Variants in GASK1B observed in about 807,000 individuals in gnomAD.
The protein encoded by GASK1B is golgi associated kinase 1B, also known as Golgi-associated kinase 1B.
A neutral mutation model predicts 42.8 loss-of-function variants in GASK1B; 34 were observed. The observed-to-expected ratio is 0.79, with a 90% CI of 0.60 to 1.06. The LOEUF is 1.06. Ranked by LOEUF, GASK1B falls within the 50% of genes least tolerant of loss-of-function variation. The pLI is 0.00. For synonymous variants in GASK1B, 262 were observed against 259.1 expected, an observed-to-expected ratio of 1.01 and a Z score of -0.11; for missense variants, 686 against 661.0, an observed-to-expected ratio of 1.04 and a Z score of -0.42.
Position 158,126,632 on chromosome 4 carries a change from AG to A in GASK1B, c.*774del, listed in dbSNP as rs1188960558. The A allele has an allele frequency of 6.6e-6, 1 of 152,168 alleles. No individual in the cohort carries two copies. Among genetic ancestry groups the A allele is most frequent in the Non-Finnish European group, 1.5e-5 (1 of 68,010 alleles). 9.4% of individuals were successfully genotyped at this position (152,168 alleles called of 1,614,324 possible). A position where few individuals can be genotyped will look rare whatever the true frequency, so the allele number is the denominator to read the frequency against. ...ATACTCTGTAAGTACATTTTCAGAT[AG>A]GTAACTTCATACTTTAGAATTATTT... On this transcript the variant is annotated 3_prime_UTR_variant, in exon 5 of 5. Transcript: ENST00000585682.
Position 158,170,604 on chromosome 4 carries a change from G to A in GASK1B, c.772C>T (p.Leu258Phe), listed in dbSNP as rs1466381405. The change falls in exon 2 of 5, where the codon CTC (leucine) becomes TTC (phenylalanine). Residue 258 changes from leucine to phenylalanine, a missense_variant. Leu to Phe is a conservative substitution (Grantham distance 22). Transcript: ENST00000585682. ...CCACAGGGGCTAGGGCCACAGCGGAGCACAGCGCCAGGTGCGCCCCCCTCC... is the reference window on the plus strand; with the variant it reads ...CCACAGGGGCTAGGGCCACAGCGGAACACAGCGCCAGGTGCGCCCCCCTCC... The part of the protein sequence containing the change: ...VLEGGAPGAV[L>F]RCGPSPCGLL... The A allele has an allele frequency of 6.2e-6, 10 of 1,613,888 alleles. No individual in the cohort carries two copies. In the South Asian group the frequency reaches 9.9e-5, roughly 16 times the overall value.
chr4:158,129,059 T>C (rs1417448696), intron 4 of GASK1B, among the ~76,000 whole-genome samples: 2 of 152,232 alleles, frequency 1.3e-5, no homozygotes, highest in Non-Finnish European at 2.9e-5. Flanking sequence ...TACATTGATA[T>C]AATAGTAGGA....
chr4:158,170,935 T>A lies in GASK1B; in HGVS notation c.441A>T (p.Gly147=), dbSNP rs761878400. The A allele has an allele frequency of 2.8e-5, 45 of 1,614,110 alleles. No homozygotes were observed. The highest frequency in any genetic ancestry group is 4.0e-5 in the African/African-American group (3 of 74,948). Reference sequence around the variant, plus strand: ...CCGCTTCCTGCGGCTGAAGGGATGGTCCGACCAAAGCCTCCTGCCCTGGGG... The same window carrying A: ...CCGCTTCCTGCGGCTGAAGGGATGGACCGACCAAAGCCTCCTGCCCTGGGG... ...SAAPGQEALV[G]PSLQPQEAAR... Residue 147 remains glycine, a synonymous_variant, in exon 2 of 5, where the codon GGA becomes GGT. Transcript: ENST00000585682.
rs1046906179 is a variant in GASK1B, at chr4:158,125,097, G to A, written c.*2310C>T. On this transcript the variant is annotated 3_prime_UTR_variant, in exon 5 of 5. Coordinates refer to ENST00000585682, the MANE Select transcript of GASK1B (RefSeq NM_001128424.2). ...TTCTCATTGTTTCAATAAGACAAAA[G>A]AAGAACATTACCTATTAGAATTAAA... 7 of 152,144 alleles carry A rather than the reference G, an allele frequency of 4.6e-5. No homozygotes were observed. The highest frequency in any genetic ancestry group is 1.0e-4 in the Non-Finnish European group (7 of 68,018). The allele number at this position is 152,144 out of a possible 1,614,324, so 9.4% of individuals were successfully genotyped here.
Position 158,170,685 on chromosome 4 carries a change from C to T in GASK1B, c.691G>A (p.Ala231Thr), listed in dbSNP as rs144090020. Reference protein sequence around the residue: ...IRRMRLLADSAVAGLRPVSSR... With the variant: ...IRRMRLLADSTVAGLRPVSSR... ...GACACAGGCCGGAGCCCTGCCACTGCGCTGTCCGCCAAGAGTCGCATTCTT... is the reference window on the plus strand; with the variant it reads ...GACACAGGCCGGAGCCCTGCCACTGTGCTGTCCGCCAAGAGTCGCATTCTT... Residue 231 changes from alanine to threonine, a missense_variant, in exon 2 of 5, where the codon GCA becomes ACA. Ala to Thr is a moderately conservative substitution (Grantham distance 58). Transcript: ENST00000585682. The T allele has an allele frequency of 7.4e-6, 12 of 1,614,054 alleles. No individual in the cohort carries two copies. The highest frequency in any genetic ancestry group is 6.6e-5 in the South Asian group (6 of 91,094).
At chr4:158,153,519 T>C (rs1029294901) in intron 3 of GASK1B, among the ~76,000 whole-genome samples, 1 of 152,054 alleles carries the variant, frequency 6.6e-6, no homozygotes. Flanking sequence ...AAAATTCACA[T>C]AGAACCAAAA....
chr4:158,171,832 G>A (rs1359165062), intron 1 of GASK1B, among the ~76,000 whole-genome samples: 1 of 152,110 alleles, frequency 6.6e-6, no homozygotes, highest in Non-Finnish European at 1.5e-5. Context: ...CTTGTACCTA[G>A]AGTCATTTAA....
At chr4:158,170,403 G>T in intron 2 of GASK1B, 63 bp downstream of exon 2, 1 of 1,613,854 alleles carries the variant, frequency 6.2e-7, no homozygotes, top group Non-Finnish European at 8.5e-7. Flanking sequence ...GAGAGTGAGG[G>T]AAAAAAGAAA....
At chr4:158,137,095 G>A (rs1249468194) in intron 3 of GASK1B, among the ~76,000 whole-genome samples, 1 of 152,146 alleles carries the variant, frequency 6.6e-6, no homozygotes, top group Non-Finnish European at 1.5e-5. Flanking sequence ...AATTGAACAG[G>A]CCAAATAATG....
In GASK1B at chr4:158,126,065, ATTT is replaced by A. The variant is rs1463606392; in HGVS notation, c.*1339_*1341del. ...TGTATTATAAACATTCTCAAATTGT[ATTT>A]TTAAACTTTCAGGAAATGAAAAGTC... On this transcript the variant is annotated 3_prime_UTR_variant, in exon 5 of 5. Coordinates refer to ENST00000585682, the MANE Select transcript of GASK1B (RefSeq NM_001128424.2). 2 of 152,162 alleles carry A rather than the reference ATTT, an allele frequency of 1.3e-5. No individual in the cohort carries two copies. The highest frequency in any genetic ancestry group is 1.3e-4 in the Admixed American group (2 of 15,264). The allele number at this position is 152,162 out of a possible 1,614,324, so 9.4% of individuals were successfully genotyped here. A position where few individuals can be genotyped will look rare whatever the true frequency, so the allele number is the denominator to read the frequency against.
intron 2 of GASK1B, among the ~76,000 whole-genome samples, chr4:158,166,158 C>G (rs1732222846): frequency 6.6e-6 from 1 of 152,150 alleles, no homozygotes; most frequent in Admixed American, 6.5e-5. Flanking sequence ...CAAGTGCACC[C>G]TTCTCATTTT....
At chr4:158,153,130 T>C (rs911653227) in intron 3 of GASK1B, among the ~76,000 whole-genome samples, 1 of 152,174 alleles carries the variant, frequency 6.6e-6, no homozygotes, top group Non-Finnish European at 1.5e-5. Context: ...CTTCTAGAAC[T>C]GATAAATGAC....
At chr4:158,141,767 A>C (rs1470612476) in intron 3 of GASK1B, among the ~76,000 whole-genome samples, 35 of 140,946 alleles carry the variant, frequency 2.5e-4, no homozygotes, top group Non-Finnish European at 3.9e-4. Context: ...CCACCACGCC[A>C]GACTAATTTT....
intron 4 of GASK1B, among the ~76,000 whole-genome samples, chr4:158,129,804 C>A (rs987562261): frequency 6.6e-6 from 1 of 152,184 alleles, no homozygotes; most frequent in Non-Finnish European, 1.5e-5. Flanking sequence ...GGTCTCCACC[C>A]TACCGCAGTC....
In GASK1B at chr4:158,162,350, T is replaced by A. The variant is rs1193521799; in HGVS notation, c.911-6525A>T. Among the ~76,000 whole-genome samples, 4 of 152,282 alleles carry A rather than the reference T, an allele frequency of 2.6e-5. No homozygotes were observed. The East Asian group carries it at 5.8e-4, about 22-fold the overall frequency. On this transcript the variant is annotated intron_variant, in intron 2 of 4. Coordinates refer to ENST00000585682, the MANE Select transcript of GASK1B (RefSeq NM_001128424.2). ...CTGAAGAACAGAGACTACTTCTTAG[T>A]CCTCTGGATCTCCAACTTTTGATGC...
rs1730484631 is a variant in GASK1B at position 158,127,146 on chromosome 4, G to A, written c.*261C>T. ...TAGAATAATAACTGAAATTTCTGTT[G>A]TCAGATGTTCAGACTGACACATAGC... On this transcript the variant is annotated 3_prime_UTR_variant, in exon 5 of 5. Coordinates refer to ENST00000585682, the MANE Select transcript of GASK1B (RefSeq NM_001128424.2). 3.6e-6 allele frequency: 1 copy of A among 278,972 alleles called. No homozygotes were observed. The highest frequency in any genetic ancestry group is 8.9e-5 in the South Asian group (1 of 11,276). The allele number at this position is 278,972 out of a possible 1,614,324, so 17.3% of individuals were successfully genotyped here. A position where few individuals can be genotyped will look rare whatever the true frequency, so the allele number is the denominator to read the frequency against.
chr4:158,132,390 T>G (rs148286505), intron 3 of GASK1B, among the ~76,000 whole-genome samples: 1 of 152,360 alleles, frequency 6.6e-6, no homozygotes, highest in African/African-American at 2.4e-5. Flanking sequence ...TACTTTGGAA[T>G]GATCATTTAT....
chr4:158,149,269 G>T (rs1483916827), intron 3 of GASK1B, among the ~76,000 whole-genome samples: 3 of 152,138 alleles, frequency 2.0e-5, no homozygotes, highest in African/African-American at 7.2e-5. Flanking sequence ...TTTTCTTAAT[G>T]AAATAGTTTT....
intron 4 of GASK1B, among the ~76,000 whole-genome samples, chr4:158,129,414 C>T (rs1560774459): frequency 6.6e-6 from 1 of 152,150 alleles, no homozygotes; most frequent in South Asian, 2.1e-4. Context: ...TGCCTTCAAT[C>T]CACAAAGAGA....
Sources: allele counts gnomAD v4.1 joint callset (sites outside exome capture counted in the v4.1 genomes callset), GRCh38; gene constraint gnomAD v4.1.1; transcripts MANE v1.5; gene names NCBI Gene and HGNC (gene_info 2026-07-23, HGNC 2026-07-21).